MAPT: variants seen among roughly 807,000 people sequenced by gnomAD.
MAPT encodes the protein microtubule-associated protein tau.
A neutral mutation model predicts 67.9 loss-of-function variants in MAPT; 34 were observed. That is an observed-to-expected ratio of 0.50 (90% CI 0.38 to 0.67). MAPT has a LOEUF of 0.67. Among genes scored for constraint, MAPT ranks in the 30% least tolerant of loss-of-function variants. The pLI is 0.00. For synonymous variants in MAPT, 456 were observed against 464.5 expected, an observed-to-expected ratio of 0.98 and a Z score of 0.23; for missense variants, 881 against 1,115.2, an observed-to-expected ratio of 0.79 and a Z score of 2.99.
chr17:45,960,158 A>G (rs2070225389), intron 1 of MAPT, among the ~76,000 whole-genome samples: 1 of 152,266 alleles, frequency 6.6e-6, no homozygotes, highest in Non-Finnish European at 1.5e-5. Context: ...TCTGTTATAC[A>G]TTCATTAGAA....
intron 1 of MAPT, among the ~76,000 whole-genome samples, chr17:45,936,738 C>A (rs2067366458): frequency 1.3e-5 from 2 of 152,190 alleles, no homozygotes; most frequent in African/African-American, 4.8e-5. Flanking sequence ...TAACTGGATT[C>A]TATCCTTTGA....
Position 45,971,581 on chromosome 17 carries a change from C to T in MAPT, c.134-278C>T, listed in dbSNP as rs891235809. ...AGATAAACCTTTGCCTCAGGTGGCACCACTAGCTGGTTAAGAGGCACTTTG... is the reference window on the plus strand; with the variant it reads ...AGATAAACCTTTGCCTCAGGTGGCATCACTAGCTGGTTAAGAGGCACTTTG... On this transcript the variant is annotated intron_variant, in intron 2 of 12. Coordinates refer to ENST00000262410, the MANE Select transcript of MAPT (RefSeq NM_001377265.1). This position sits in a 1 kb window ranked among gnomAD's most constrained non-coding sequence, Gnocchi z 4.3. 3.3e-5 allele frequency among the ~76,000 whole-genome samples: 5 copies of T among 152,212 alleles called. No homozygotes were observed. The highest frequency in any genetic ancestry group is 1.2e-4 in the African/African-American group (5 of 41,446).
At chr17:45,990,478 G>C (rs1269061000) in intron 7 of MAPT, 2 of 451,778 alleles carry the variant, frequency 4.4e-6, no homozygotes, top group African/African-American at 4.0e-5. Context: ...GCCGGGCGTG[G>C]TGGTATGCGT....
Position 45,915,462 on chromosome 17 carries a change from T to G in MAPT, c.-18+20776T>G, listed in dbSNP as rs62056852. ...TGTAAGCATGTGTGAGTGTGTATGT[T>G]TGAGCATGTGTGGTGTGTTGTGATA... On this transcript the variant is annotated intron_variant, in intron 1 of 12. Transcript: ENST00000262410. The surrounding 1 kb of genome is among the most constrained non-coding windows in gnomAD (Gnocchi z 4.4). 7.8e-5 allele frequency among the ~76,000 whole-genome samples: 9 copies of G among 115,838 alleles called. No individual in the cohort carries two copies. Among genetic ancestry groups the G allele is most frequent in the Non-Finnish European group, 1.3e-4 (6 of 44,808 alleles). 76.0% of individuals were successfully genotyped at this position (115,838 alleles called of 152,430 possible). A position where few individuals can be genotyped will look rare whatever the true frequency, so the allele number is the denominator to read the frequency against.
At chr17:45,967,775 G>T (rs764371782) in intron 2 of MAPT, among the ~76,000 whole-genome samples, 1 of 151,988 alleles carries the variant, frequency 6.6e-6, no homozygotes, top group African/African-American at 2.4e-5. Flanking sequence ...CCTTCCTGTC[G>T]CCCAAGGGAC....
At chr17:45,957,065 C>T (rs1568231973) in intron 1 of MAPT, among the ~76,000 whole-genome samples, 1 of 152,106 alleles carries the variant, frequency 6.6e-6, no homozygotes, top group African/African-American at 2.4e-5. Flanking sequence ...CATACGTGTG[C>T]ATGTGTCTTT....
chr17:45,918,786 G>A (rs556231950), intron 1 of MAPT, among the ~76,000 whole-genome samples: 107 of 152,278 alleles, frequency 7.0e-4, no homozygotes, highest in Admixed American at 4.8e-3. Flanking sequence ...GGCTGGGTGC[G>A]GTGGCTCACG....
rs371323624 is a variant in MAPT, at chr17:45,916,115, C to T, written c.-18+21429C>T. 2.4e-3 allele frequency among the ~76,000 whole-genome samples: 367 copies of T among 152,290 alleles called. 17 individuals carry two copies. In the South Asian group the frequency reaches 0.072, roughly 30 times the overall value. ...CGCTTTTCAGCTCATCCCCACATTC[C>T]CGGAGGGACTGAGAGCGCAGCCCCA... On this transcript the variant is annotated intron_variant, in intron 1 of 12. Coordinates refer to ENST00000262410, the MANE Select transcript of MAPT (RefSeq NM_001377265.1).
chr17:45,941,701 GCCTGCCTTCCTTCCTTCCTT>G (rs1264644601), intron 1 of MAPT, among the ~76,000 whole-genome samples: 60 of 73,540 alleles, frequency 8.2e-4, no homozygotes, highest in African/African-American at 3.0e-3. Flanking sequence ...CTTCCTTCCT[GCCTGCCTTCCTTCCTTCCTT>G]CCTTCCTTCC....
At chr17:45,909,901 C>G (rs539090575) in intron 1 of MAPT, among the ~76,000 whole-genome samples, 1 of 140,372 alleles carries the variant, frequency 7.1e-6, no homozygotes, top group African/African-American at 2.6e-5. Flanking sequence ...AAAGCCATGC[C>G]TGGTGGAGCA....
chr17:46,022,703 C>T (rs1287484784), intron 12 of MAPT, among the ~76,000 whole-genome samples: 1 of 152,188 alleles, frequency 6.6e-6, no homozygotes, highest in African/African-American at 2.4e-5. Flanking sequence ...CTCCAGTGAA[C>T]ACTTTCTGCT....
intron 1 of MAPT, among the ~76,000 whole-genome samples, chr17:45,937,297 AGGGGAGG>A: frequency 6.6e-6 from 1 of 152,170 alleles, no homozygotes; most frequent in East Asian, 1.9e-4. Context: ...GAGAGAAGGG[AGGGGAGG>A]GGTCCAGAAA....
At chr17:45,928,170 A>G (rs934888440) in intron 1 of MAPT, among the ~76,000 whole-genome samples, 1 of 152,136 alleles carries the variant, frequency 6.6e-6, no homozygotes, top group African/African-American at 2.4e-5. Context: ...GACAAACAAG[A>G]TCCCAAATTC....
chr17:46,015,253 G>A (rs937681464), intron 11 of MAPT, among the ~76,000 whole-genome samples: 8 of 150,640 alleles, frequency 5.3e-5, no homozygotes, highest in Admixed American at 1.3e-4. Flanking sequence ...CCAGCTACTC[G>A]GGAGGCTGAG....
At chr17:46,005,476 C>A (rs1171671385) in intron 9 of MAPT, among the ~76,000 whole-genome samples, 1 of 152,212 alleles carries the variant, frequency 6.6e-6, no homozygotes, top group Admixed American at 6.5e-5. Context: ...AAATGATCGT[C>A]AAGCCTACAG....
intron 1 of MAPT, among the ~76,000 whole-genome samples, chr17:45,919,898 A>G (rs1222801259): frequency 6.6e-6 from 1 of 152,192 alleles, no homozygotes; most frequent in South Asian, 2.1e-4. Context: ...GAGTAACAGA[A>G]TGAGATCCTG....
In MAPT at chr17:45,915,835, G is replaced by A. The variant is rs529540128; in HGVS notation, c.-18+21149G>A. ...CCTCGGTGGACATGTTCCCTGAGGTGAGGCTGACTGATGTCATTTGACGAT... is the reference window on the plus strand; with the variant it reads ...CCTCGGTGGACATGTTCCCTGAGGTAAGGCTGACTGATGTCATTTGACGAT... On this transcript the variant is annotated intron_variant, in intron 1 of 12. Transcript: ENST00000262410. This position sits in a 1 kb window ranked among gnomAD's most constrained non-coding sequence, Gnocchi z 4.4. Among the ~76,000 whole-genome samples, 1 of 152,318 alleles carries A rather than the reference G, an allele frequency of 6.6e-6. No homozygotes were observed. Among genetic ancestry groups the A allele is most frequent in the Non-Finnish European group, 1.5e-5 (1 of 68,032 alleles).
chr17:45,996,626 T>C lies in MAPT; in HGVS notation c.1960T>C (p.Ser654Pro). ...GAAGAATGTCAAGTCCAAGATCGGC[T>C]CCACTGAGAACCTGAAGCACCAGCC... ...DLKNVKSKIG[S>P]TENLKHQPGG... Residue 654 changes from serine to proline, a missense_variant, in exon 9 of 13, where the codon TCC (serine) becomes CCC (proline). Coordinates refer to ENST00000262410, the MANE Select transcript of MAPT (RefSeq NM_001377265.1). The surrounding 1 kb of genome is among the most constrained non-coding windows in gnomAD (Gnocchi z 4.5). 1 of 1,613,752 alleles carries C rather than the reference T, an allele frequency of 6.2e-7. No individual in the cohort carries two copies. The highest frequency in any genetic ancestry group is 8.5e-7 in the Non-Finnish European group (1 of 1,179,910).
At chr17:46,007,932 C>T (rs1043387835) in intron 9 of MAPT, among the ~76,000 whole-genome samples, 1 of 152,114 alleles carries the variant, frequency 6.6e-6, no homozygotes, top group African/African-American at 2.4e-5. Context: ...TCAAATCCAG[C>T]TCCTGCAGGA....
Sources: allele counts gnomAD v4.1 joint callset (sites outside exome capture counted in the v4.1 genomes callset), GRCh38; gene constraint gnomAD v4.1.1; non-coding constraint Gnocchi (gnomAD v3.1); transcripts MANE v1.5; gene names NCBI Gene and HGNC (gene_info 2026-07-23, HGNC 2026-07-21).